HS3ST4: variants seen among roughly 807,000 people sequenced by gnomAD.
The protein encoded by HS3ST4 is heparan sulfate-glucosamine 3-sulfotransferase 4.
HS3ST4 carries 17 observed loss-of-function variants against 29.2 expected under a neutral mutation model. The ratio of observed to expected loss-of-function variants is 0.58; its 90% CI spans 0.40 to 0.87. HS3ST4 has a LOEUF of 0.87. HS3ST4 is among the 40% of genes least tolerant of loss of function. The pLI is 0.00. For missense variants in HS3ST4, 627 were observed against 634.5 expected, an observed-to-expected ratio of 0.99 and a Z score of 0.13; for synonymous variants, 314 against 285.7, an observed-to-expected ratio of 1.10 and a Z score of -1.00.
At chr16:25,941,076 C>G (rs1185654676) in intron 1 of HS3ST4, among the ~76,000 whole-genome samples, 2 of 152,320 alleles carry the variant, frequency 1.3e-5, no homozygotes, top group East Asian at 1.9e-4. Flanking sequence ...TGACAAAGGC[C>G]TTCCTGCACC....
chr16:26,083,677 G>T (rs1239059880), intron 1 of HS3ST4, among the ~76,000 whole-genome samples: 2 of 152,148 alleles, frequency 1.3e-5, no homozygotes, highest in Non-Finnish European at 2.9e-5. Flanking sequence ...ATGTTTGGCT[G>T]GTCCTTGGTC....
chr16:25,943,584 T>A (rs902580607), intron 1 of HS3ST4, among the ~76,000 whole-genome samples: 108 of 152,292 alleles, frequency 7.1e-4, no homozygotes, highest in African/African-American at 2.4e-3. Context: ...GAGGATGATT[T>A]CTTGTAAAAG....
chr16:26,034,340 G>A (rs758074952), intron 1 of HS3ST4, among the ~76,000 whole-genome samples: 1 of 152,182 alleles, frequency 6.6e-6, no homozygotes, highest in Non-Finnish European at 1.5e-5. Context: ...ACCGAAGCCT[G>A]ACCACAGCAC....
chr16:25,824,828 T>C (rs1318358268), intron 1 of HS3ST4: 1 of 152,212 alleles, frequency 6.6e-6, no homozygotes, highest in African/African-American at 2.4e-5. Flanking sequence ...CCCTACTGGC[T>C]ATCAGTTCTG....
chr16:26,062,185 A>C (rs757951619), intron 1 of HS3ST4, among the ~76,000 whole-genome samples: 1 of 152,206 alleles, frequency 6.6e-6, no homozygotes, highest in Non-Finnish European at 1.5e-5. Context: ...TGCATTCCCC[A>C]AGTCCAAATT....
At chr16:25,757,798 A>T (rs758019571) in intron 1 of HS3ST4, among the ~76,000 whole-genome samples, 47 of 151,890 alleles carry the variant, frequency 3.1e-4, no homozygotes, top group Non-Finnish European at 6.2e-4. Flanking sequence ...GCTTTTAGAG[A>T]ATCAAAACTT....
At chr16:25,947,808 G>A (rs377339545) in intron 1 of HS3ST4, among the ~76,000 whole-genome samples, 2 of 152,062 alleles carry the variant, frequency 1.3e-5, no homozygotes, top group South Asian at 4.2e-4. Context: ...AGGAGTGCAG[G>A]CTTCGAGGCA....
intron 1 of HS3ST4, among the ~76,000 whole-genome samples, chr16:25,840,163 T>C (rs1967398855): frequency 6.6e-6 from 1 of 152,186 alleles, no homozygotes; most frequent in African/African-American, 2.4e-5. Context: ...TGGTGCATGA[T>C]TGGAGAGTGA....
At chr16:26,053,078 G>A (rs556797747) in intron 1 of HS3ST4, among the ~76,000 whole-genome samples, 37 of 152,272 alleles carry the variant, frequency 2.4e-4, no homozygotes, top group Admixed American at 4.6e-4. Flanking sequence ...TGTTACCTTG[G>A]GCAAGCCCTT....
At chr16:25,945,723 C>G (rs1326359192) in intron 1 of HS3ST4, among the ~76,000 whole-genome samples, 2 of 152,052 alleles carry the variant, frequency 1.3e-5, no homozygotes. Context: ...GATCATATAC[C>G]CTGGCACTCT....
chr16:26,057,566 A>G (rs1898425291), intron 1 of HS3ST4, among the ~76,000 whole-genome samples: 1 of 152,194 alleles, frequency 6.6e-6, no homozygotes, highest in African/African-American at 2.4e-5. Context: ...CATCCTGGCC[A>G]ACATGGTGAA....
intron 1 of HS3ST4, among the ~76,000 whole-genome samples, chr16:25,837,061 T>G (rs981394474): frequency 1.3e-5 from 2 of 152,226 alleles, no homozygotes; most frequent in Non-Finnish European, 2.9e-5. Context: ...CAGTCATGGT[T>G]GATTTTCCAA....
chr16:25,982,916 C>A (rs923173434), intron 1 of HS3ST4, among the ~76,000 whole-genome samples: 1 of 152,204 alleles, frequency 6.6e-6, no homozygotes, highest in Admixed American at 6.5e-5. Flanking sequence ...TCTGAAACAA[C>A]CTCTTACTTA....
Position 26,082,580 on chromosome 16 carries a change from C to T in HS3ST4, c.735-53032C>T, listed in dbSNP as rs190793162. ...ACATTACTCATGAATACCATATTTT[C>T]CTGTTTTCTCCTGGTACACTTCAAG... On this transcript the variant is annotated intron_variant, in intron 1 of 1. Transcript: ENST00000331351. 2.9e-4 allele frequency among the ~76,000 whole-genome samples: 44 copies of T among 152,290 alleles called. 2 individuals carry two copies. The highest frequency in any genetic ancestry group is 2.8e-3 in the Admixed American group (43 of 15,298).
intron 1 of HS3ST4, among the ~76,000 whole-genome samples, chr16:26,070,243 G>A (rs866448144): frequency 6.6e-5 from 10 of 152,050 alleles, no homozygotes; most frequent in East Asian, 3.9e-4. Context: ...TTTAATGATC[G>A]CCATTCTAAC....
At chr16:25,994,589 A>G (rs555913487) in intron 1 of HS3ST4, among the ~76,000 whole-genome samples, 2 of 152,304 alleles carry the variant, frequency 1.3e-5, no homozygotes, top group East Asian at 3.9e-4. Flanking sequence ...TTATGTCTTT[A>G]AATATGTTAT....
chr16:25,886,074 C>G (rs1266667007), intron 1 of HS3ST4, among the ~76,000 whole-genome samples: 1 of 130,000 alleles, frequency 7.7e-6, no homozygotes, highest in Non-Finnish European at 1.5e-5. Context: ...ACTCTTTCAC[C>G]CAGGCTGGAG....
chr16:25,730,079 G>T (rs1966560763), intron 1 of HS3ST4, among the ~76,000 whole-genome samples: 1 of 152,182 alleles, frequency 6.6e-6, no homozygotes, highest in Admixed American at 6.5e-5. Context: ...ATCAAAGAAG[G>T]AATAGTTATT....
intron 1 of HS3ST4, among the ~76,000 whole-genome samples, chr16:25,797,632 A>G (rs1345514421): frequency 1.3e-5 from 2 of 152,278 alleles, no homozygotes; most frequent in East Asian, 1.9e-4. Flanking sequence ...TTTCCTTCTG[A>G]AGCTTCCTCT....
Sources: allele counts gnomAD v4.1 joint callset (sites outside exome capture counted in the v4.1 genomes callset), GRCh38; gene constraint gnomAD v4.1.1; transcripts MANE v1.5; gene names NCBI Gene and HGNC (gene_info 2026-07-23, HGNC 2026-07-21).